The following GAPVD1 variants were observed in gnomAD, a reference collection of about 807,000 sequenced individuals.
GAPVD1 encodes GTPase-activating protein and VPS9 domain-containing protein 1.
GAPVD1 carries 35 observed loss-of-function variants against 155.5 expected under a neutral mutation model. The observed-to-expected ratio is 0.23, with a 90% CI of 0.17 to 0.30. The LOEUF (loss-of-function observed/expected upper bound fraction) is 0.30. GAPVD1 is among the 10% of genes least tolerant of loss of function. The pLI is 1.00. For missense variants in GAPVD1, 1,429 were observed against 1,775.7 expected (o/e 0.80, Z 3.51); for synonymous variants, 636 against 619.7 (o/e 1.03, Z -0.39).
intron 3 of GAPVD1, among the ~76,000 whole-genome samples, chr9:125,298,573 C>T (rs919509920): frequency 7.1e-6 from 1 of 141,286 alleles, no homozygotes; most frequent in Non-Finnish European, 1.5e-5. Context: ...ACTGCAACCT[C>T]TGTCTCCCGG....
intron 2 of GAPVD1, among the ~76,000 whole-genome samples, chr9:125,293,768 A>G (rs1314029434): frequency 7.8e-6 from 1 of 129,008 alleles, no homozygotes; most frequent in Non-Finnish European, 1.6e-5. Flanking sequence ...ACATTTTTAT[A>G]TTATATATAA....
At chr9:125,356,450 C>A (rs1850098917) in intron 25 of GAPVD1, among the ~76,000 whole-genome samples, 1 of 152,148 alleles carries the variant, frequency 6.6e-6, no homozygotes, top group East Asian at 1.9e-4. Flanking sequence ...CAGACATTCC[C>A]AAATGTCCCT....
intron 3 of GAPVD1, among the ~76,000 whole-genome samples, chr9:125,295,985 A>G (rs560935656): frequency 4.3e-4 from 65 of 152,326 alleles, no homozygotes; most frequent in African/African-American, 1.4e-3. Context: ...GAGAATTTCT[A>G]AAGTATTTTA....
chr9:125,312,196 T>C (rs1332009931), intron 8 of GAPVD1, among the ~76,000 whole-genome samples: 3 of 152,234 alleles, frequency 2.0e-5, no homozygotes, highest in African/African-American at 7.2e-5. Context: ...TGATCATCTG[T>C]GTGGCACTTC....
At chr9:125,334,525 A>G (rs1846590053) in intron 15 of GAPVD1, among the ~76,000 whole-genome samples, 1 of 152,182 alleles carries the variant, frequency 6.6e-6, no homozygotes, top group Admixed American at 6.5e-5. Flanking sequence ...TTCATGAAAT[A>G]TTATTTTTAC....
intron 17 of GAPVD1, 55 bp downstream of exon 17, chr9:125,337,646 A>C: frequency 1.4e-6 from 2 of 1,444,668 alleles, no homozygotes; most frequent in Non-Finnish European, 1.9e-6. Flanking sequence ...AGTTCTCTTG[A>C]TATCTGAAAT....
At chr9:125,343,072 T>G (rs1422498165) in intron 19 of GAPVD1, among the ~76,000 whole-genome samples, 1 of 152,196 alleles carries the variant, frequency 6.6e-6, no homozygotes, top group African/African-American at 2.4e-5. Context: ...TAGAGCATCT[T>G]GAGCAAGTTT....
intron 2 of GAPVD1, among the ~76,000 whole-genome samples, chr9:125,286,513 T>A (rs937682799): frequency 6.6e-5 from 10 of 152,116 alleles, no homozygotes; most frequent in Non-Finnish European, 1.5e-4. Flanking sequence ...ACTTAGAAAC[T>A]GCTCGTGAAT....
chr9:125,336,351 AT>A (rs1443941158), intron 15 of GAPVD1, among the ~76,000 whole-genome samples: 8 of 151,772 alleles, frequency 5.3e-5, no homozygotes, highest in African/African-American at 9.7e-5. Flanking sequence ...TAGATTAATA[AT>A]TTTTTTATGT....
At chr9:125,342,106 C>T in intron 18 of GAPVD1, 113 bp from the exon 19 acceptor site, 1 of 623,246 alleles carries the variant, frequency 1.6e-6, no homozygotes, top group Non-Finnish European at 2.9e-6. Context: ...CTTGGAATTT[C>T]TTAGCTTTTA....
chr9:125,298,550 G>A (rs1242870916), intron 3 of GAPVD1, among the ~76,000 whole-genome samples: 1 of 124,172 alleles, frequency 8.1e-6, no homozygotes, highest in African/African-American at 3.1e-5. Context: ...GTGCAGTGAT[G>A]CAATCTCAGC....
At chr9:125,296,556 G>C (rs1286082693) in intron 3 of GAPVD1, among the ~76,000 whole-genome samples, 1 of 150,664 alleles carries the variant, frequency 6.6e-6, no homozygotes, top group African/African-American at 2.4e-5. Flanking sequence ...GTTTCTCCAT[G>C]ATGGTCAGGC....
chr9:125,288,432 T>C (rs1564297181), intron 2 of GAPVD1, among the ~76,000 whole-genome samples: 1 of 152,020 alleles, frequency 6.6e-6, no homozygotes, highest in Non-Finnish European at 1.5e-5. Flanking sequence ...AATGACAATT[T>C]ATATTGTTCA....
At chr9:125,290,527 T>A (rs1480212525) in intron 2 of GAPVD1, among the ~76,000 whole-genome samples, 8 of 152,170 alleles carry the variant, frequency 5.3e-5, no homozygotes, top group Admixed American at 1.3e-4. Flanking sequence ...CATTGCTTCA[T>A]TTTTCTCAAT....
chr9:125,281,757 A>G (rs1211409208), intron 2 of GAPVD1, among the ~76,000 whole-genome samples: 2 of 151,772 alleles, frequency 1.3e-5, no homozygotes, highest in African/African-American at 2.4e-5. Flanking sequence ...CTTGAATTAG[A>G]TACATTAATG....
In GAPVD1 at chr9:125,364,648, A is replaced by G. The variant is rs1367393327; in HGVS notation, c.*1902A>G. 3.3e-5 allele frequency: 5 copies of G among 152,266 alleles called. No individual in the cohort carries two copies. Among genetic ancestry groups the G allele is most frequent in the African/African-American group, 1.2e-4 (5 of 41,448 alleles). The allele number at this position is 152,266 out of a possible 1,614,324, so 9.4% of individuals were successfully genotyped here. On this transcript the variant is annotated 3_prime_UTR_variant, in exon 28 of 28. Coordinates refer to ENST00000297933, the MANE Select transcript of GAPVD1 (RefSeq NM_001282680.3). ...GTGGGATGTGGTTTCTGCCTTCTAG[A>G]GAGAGATCAGAATTAAACTAGTACT...
At chr9:125,319,400 A>G (rs1276527688) in intron 9 of GAPVD1, among the ~76,000 whole-genome samples, 2 of 145,742 alleles carry the variant, frequency 1.4e-5, no homozygotes, top group Admixed American at 7.1e-5. Flanking sequence ...TAAAAATTTT[A>G]TGTGTATTTA....
chr9:125,278,844 A>T (rs577532924), intron 2 of GAPVD1, among the ~76,000 whole-genome samples: 1 of 151,984 alleles, frequency 6.6e-6, no homozygotes, highest in African/African-American at 2.4e-5. Context: ...GGAAAAAAAA[A>T]AACAACAAAA....
chr9:125,301,442 C>CTT (rs1263782654), intron 4 of GAPVD1, among the ~76,000 whole-genome samples: 1 of 151,708 alleles, frequency 6.6e-6, no homozygotes, highest in Non-Finnish European at 1.5e-5. Context: ...TGATAATTTT[C>CTT]TTTCTTTCTT....
Sources: allele counts gnomAD v4.1 joint callset (sites outside exome capture counted in the v4.1 genomes callset), GRCh38; gene constraint gnomAD v4.1.1; transcripts MANE v1.5; gene names NCBI Gene and HGNC (gene_info 2026-07-23, HGNC 2026-07-21).